Variants in ST7 observed in about 807,000 individuals in gnomAD.
ST7 encodes the protein suppressor of tumorigenicity 7 protein.
A neutral mutation model predicts 78.7 loss-of-function variants in ST7; 28 were observed. The observed-to-expected ratio is 0.36, with a 90% CI of 0.26 to 0.49. The LOEUF is 0.49. Among genes scored for constraint, ST7 ranks in the 20% least tolerant of loss-of-function variants. The pLI is 0.99. For synonymous variants in ST7, 247 were observed against 249.6 expected (o/e 0.99, Z 0.10); for missense variants, 418 against 696.0 (o/e 0.60, Z 4.49).
At chr7:117,153,229 A>C (rs1166819947) in intron 9 of ST7, among the ~76,000 whole-genome samples, 2 of 152,170 alleles carry the variant, frequency 1.3e-5, no homozygotes, top group East Asian at 3.8e-4. Context: ...TAGTCTAAGT[A>C]GCTGGTTTAT....
At chr7:117,097,895 T>TATATATATATATATAC in intron 1 of ST7, among the ~76,000 whole-genome samples, 1 of 24,390 alleles carries the variant, frequency 4.1e-5, no homozygotes, top group Non-Finnish European at 7.6e-5. Context: ...TATATATATA[T>TATATATATATATATAC]ATATATATAT....
At chr7:117,059,545 A>T (rs1798241125) in intron 1 of ST7, among the ~76,000 whole-genome samples, 1 of 152,146 alleles carries the variant, frequency 6.6e-6, no homozygotes, top group Admixed American at 6.5e-5. Context: ...ATATGGATAT[A>T]TATGAAATTC....
chr7:117,213,798 G>T (rs1792475635), intron 13 of ST7, among the ~76,000 whole-genome samples: 1 of 152,126 alleles, frequency 6.6e-6, no homozygotes, highest in African/African-American at 2.4e-5. Context: ...TAATTTACAA[G>T]ATTTTATAAT....
chr7:117,102,500 G>C lies in ST7; in HGVS notation c.234+2656G>C, dbSNP rs188124150. Among the ~76,000 whole-genome samples, 5 of 152,252 alleles carry C rather than the reference G, an allele frequency of 3.3e-5. No homozygotes were observed. In the East Asian group the frequency reaches 9.6e-4, roughly 29 times the overall value. The stretch of plus-strand genomic sequence containing the variant: ...TGGTGGACGGAAGCCAGCAGAAACT[G>C]TTTTGCTAGAAAACCACAGAAAAAA... On this transcript the variant is annotated intron_variant, in intron 2 of 15. Coordinates refer to ENST00000323984, the MANE Select transcript of ST7 (RefSeq NM_001369598.1).
At position 117,105,518 on chromosome 7, in the gene ST7, G is replaced by A. The variant is rs1801887804; in HGVS notation, c.234+5674G>A. ...GCTGGTGTTGAATTCCTGGGCTCAAGCAATACTCTTCCTTTGGCCTCCCAA... is the reference window on the plus strand; with the variant it reads ...GCTGGTGTTGAATTCCTGGGCTCAAACAATACTCTTCCTTTGGCCTCCCAA... On this transcript the variant is annotated intron_variant, in intron 2 of 15. Coordinates refer to ENST00000323984, the MANE Select transcript of ST7 (RefSeq NM_001369598.1). 3.3e-5 allele frequency among the ~76,000 whole-genome samples: 5 copies of A among 152,316 alleles called. 1 individual carries two copies. The South Asian group carries it at 1.0e-3, about 32-fold the overall frequency.
chr7:117,209,507 C>T (rs1792109001), intron 12 of ST7, among the ~76,000 whole-genome samples: 1 of 152,120 alleles, frequency 6.6e-6, no homozygotes, highest in Non-Finnish European at 1.5e-5. Flanking sequence ...CTACATTTTC[C>T]TTTATGCTGT....
chr7:117,136,309 C>T (rs758055069), intron 8 of ST7, 74 bp downstream of exon 8: 2 of 1,567,870 alleles, frequency 1.3e-6, no homozygotes, highest in Non-Finnish European at 1.8e-6. Context: ...AATTTTTAGT[C>T]CAGTTCAAAA....
chr7:117,063,028 A>G (rs1798437685), intron 1 of ST7, among the ~76,000 whole-genome samples: 1 of 152,256 alleles, frequency 6.6e-6, no homozygotes, highest in Non-Finnish European at 1.5e-5. Context: ...AGATGCTCTC[A>G]TTAATCAATA....
intron 1 of ST7, among the ~76,000 whole-genome samples, chr7:117,012,214 T>C (rs548463006): frequency 6.6e-6 from 1 of 152,332 alleles, no homozygotes; most frequent in African/African-American, 2.4e-5. Context: ...AGAATTTTTA[T>C]GAATTCGGAA....
intron 15 of ST7, 76 bp downstream of exon 15, chr7:117,222,138 TG>T: frequency 1.3e-6 from 2 of 1,495,228 alleles, no homozygotes; most frequent in East Asian, 4.7e-5. Context: ...GTGAGAGAAA[TG>T]GGGTTGCCTT....
rs1801316888 is a variant in ST7 at position 117,098,701 on chromosome 7, C to G, written c.152-1061C>G. ...TTCTGGGCTGAGCTCAGGACAGATGCCAAAGCCTTTCCCTCTAATGACATC... is the reference window on the plus strand; with the variant it reads ...TTCTGGGCTGAGCTCAGGACAGATGGCAAAGCCTTTCCCTCTAATGACATC... On this transcript the variant is annotated intron_variant, in intron 1 of 15. Coordinates refer to ENST00000323984, the MANE Select transcript of ST7 (RefSeq NM_001369598.1). 5.4e-6 allele frequency: 6 copies of G among 1,113,476 alleles called. No homozygotes were observed. In the South Asian group the frequency reaches 7.8e-5, roughly 15 times the overall value. The allele number at this position is 1,113,476 out of a possible 1,614,324, so 69.0% of individuals were successfully genotyped here. A position where few individuals can be genotyped will look rare whatever the true frequency, so the allele number is the denominator to read the frequency against.
At chr7:117,026,328 T>G (rs1796180479) in intron 1 of ST7, among the ~76,000 whole-genome samples, 1 of 152,220 alleles carries the variant, frequency 6.6e-6, no homozygotes, top group South Asian at 2.1e-4. Context: ...ATAAATTGTA[T>G]AGTCATTTTT....
intron 1 of ST7, among the ~76,000 whole-genome samples, chr7:116,985,813 A>G (rs1794164880): frequency 6.6e-6 from 1 of 152,158 alleles, no homozygotes; most frequent in Non-Finnish European, 1.5e-5. Flanking sequence ...GGAAATAAAT[A>G]CTTTGGTGAT....
intron 1 of ST7, among the ~76,000 whole-genome samples, chr7:117,088,414 G>A (rs564354478): frequency 5.8e-4 from 88 of 152,220 alleles, no homozygotes; most frequent in African/African-American, 2.0e-3. Context: ...AATAAATGTA[G>A]AGCATATATG....
intron 1 of ST7, among the ~76,000 whole-genome samples, chr7:117,040,583 G>C (rs1797161753): frequency 6.6e-6 from 1 of 152,202 alleles, no homozygotes; most frequent in African/African-American, 2.4e-5. Context: ...CAACGGAGCA[G>C]GTTGCTTCAT....
chr7:116,998,434 G>T (rs1794778957), intron 1 of ST7, among the ~76,000 whole-genome samples: 1 of 152,222 alleles, frequency 6.6e-6, no homozygotes, highest in Non-Finnish European at 1.5e-5. Context: ...CCAGCCCTGA[G>T]AGGGGCTCCC....
chr7:117,104,623 T>C (rs75169743), intron 2 of ST7, among the ~76,000 whole-genome samples: 11,615 of 152,226 alleles, frequency 0.076, 524 homozygotes, highest in Middle Eastern at 0.15. Context: ...TGGATATATA[T>C]CCAAAAGAAA....
At chr7:117,114,339 G>C (rs1228251640) in intron 2 of ST7, among the ~76,000 whole-genome samples, 1 of 152,018 alleles carries the variant, frequency 6.6e-6, no homozygotes, top group East Asian at 1.9e-4. Context: ...AAATGTTACA[G>C]GTATTACTGT....
chr7:117,215,032 T>C (rs574937985), intron 13 of ST7, among the ~76,000 whole-genome samples: 1 of 152,070 alleles, frequency 6.6e-6, no homozygotes. Flanking sequence ...GTATCCACAC[T>C]ATCTGTCATG....
Sources: gnomAD v4.1 joint callset for allele counts (sites outside exome capture counted in the v4.1 genomes callset) on GRCh38, gnomAD v4.1.1 for gene constraint, MANE v1.5 for transcripts, NCBI Gene and HGNC (gene_info 2026-07-23, HGNC 2026-07-21) for gene names.